CPAMD8: variants seen among roughly 807,000 people sequenced by gnomAD.
CPAMD8 encodes C3 and PZP like alpha-2-macroglobulin domain containing 8.
Under a neutral mutation model 224.7 loss-of-function variants are expected in CPAMD8, and 146 were observed. The observed-to-expected ratio is 0.65, with a 90% CI of 0.57 to 0.75. The LOEUF is 0.75. CPAMD8 is among the 30% of genes least tolerant of loss of function. The pLI is 0.00. For missense variants in CPAMD8, 2,301 were observed against 2,537.5 expected, an observed-to-expected ratio of 0.91 and a Z score of 2.00; for synonymous variants, 966 against 1,044.6, an observed-to-expected ratio of 0.92 and a Z score of 1.45.
intron 12 of CPAMD8, among the ~76,000 whole-genome samples, chr19:16,991,851 T>A (rs139612996): frequency 3.5e-4 from 39 of 112,306 alleles, no homozygotes; most frequent in African/African-American, 1.3e-3. Flanking sequence ...CAAGACTCTG[T>A]ATCAAAAAAA....
At chr19:16,902,550 G>A in intron 35 of CPAMD8, 99 bp downstream of exon 35, 1 of 704,764 alleles carries the variant, frequency 1.4e-6, no homozygotes, top group Non-Finnish European at 2.5e-6. Flanking sequence ...CCACCACTGA[G>A]TGCCTGGAGC....
chr19:16,905,582 A>G lies in CPAMD8; in HGVS notation c.4028-1030T>C, dbSNP rs1224831811. On this transcript the variant is annotated intron_variant, in intron 30 of 41. Coordinates refer to ENST00000443236, the MANE Select transcript of CPAMD8 (RefSeq NM_015692.5). ...AAAGGAAGAAAAGAAAAAAAAAAAA[A>G]AAAAGAAAAAGGCTCCAAGGATTCT... 6.0e-5 allele frequency among the ~76,000 whole-genome samples: 9 copies of G among 150,696 alleles called. No individual in the cohort carries two copies. Among genetic ancestry groups the G allele is most frequent in the East Asian group, 1.9e-4 (1 of 5,184 alleles).
rs756903738 is a variant in CPAMD8 at position 16,952,040 on chromosome 19, C to T, written c.2437G>A (p.Ala813Thr). The T allele has an allele frequency of 1.1e-5, 18 of 1,582,720 alleles. No homozygotes were observed. The highest frequency in any genetic ancestry group is 5.4e-5 in the African/African-American group (4 of 74,386). The change falls in exon 20 of 42, where the codon GCT (alanine) becomes ACT (threonine). Residue 813 changes from alanine to threonine, a missense_variant. Ala to Thr is a moderately conservative substitution (Grantham distance 58, BLOSUM62 0). Transcript: ENST00000443236. ...KPFFVDFMLP[A>T]LIIRGEQVKI... ...ACCTGCTCCCCACGGATGATGAGAGCGGGGAGCATGAAGTCCACGAAGAAG... is the reference window on the plus strand; with the variant it reads ...ACCTGCTCCCCACGGATGATGAGAGTGGGGAGCATGAAGTCCACGAAGAAG...
chr19:16,975,334 A>G, intron 16 of CPAMD8, 76 bp from the exon 17 acceptor site: 1 of 1,191,714 alleles, frequency 8.4e-7, no homozygotes, highest in Non-Finnish European at 1.2e-6. Flanking sequence ...TGGGTGTGGC[A>G]TGCTCCCATC....
At chr19:17,015,373 G>A (rs941178557) in intron 3 of CPAMD8, among the ~76,000 whole-genome samples, 2 of 152,180 alleles carry the variant, frequency 1.3e-5, no homozygotes, top group African/African-American at 4.8e-5. Context: ...TGACCATCAC[G>A]GGGAACAATC....
At chr19:17,019,588 C>T (rs985783847) in intron 3 of CPAMD8, among the ~76,000 whole-genome samples, 7 of 152,012 alleles carry the variant, frequency 4.6e-5, no homozygotes, top group Admixed American at 1.3e-4. Flanking sequence ...TAGGGCCTCA[C>T]TCTGTTGCCC....
chr19:16,908,637 C>T (rs982520482), intron 29 of CPAMD8, among the ~76,000 whole-genome samples: 4 of 152,304 alleles, frequency 2.6e-5, no homozygotes, highest in African/African-American at 4.8e-5. Context: ...TCTGGTGGCC[C>T]AATAGAGGTA....
chr19:17,026,575 A>C lies in CPAMD8; in HGVS notation c.68T>G (p.Val23Gly). Residue 23 changes from valine (V) to glycine (G), a missense_variant, in exon 1 of 42, where the codon GTG becomes GGG. Physicochemically the swap from Val to Gly is moderately radical, Grantham distance 109. Transcript: ENST00000443236. Reference protein sequence around the residue: ...LLLLLSARDGVRAAQPQAPGY... With the variant: ...LLLLLSARDGGRAAQPQAPGY... ...CGGGGCCTGAGGCTGCGCGGCGCGCACGCCGTCCCGCGCCGACAGCAGCAG... is the reference window on the plus strand; with the variant it reads ...CGGGGCCTGAGGCTGCGCGGCGCGCCCGCCGTCCCGCGCCGACAGCAGCAG... 6.5e-7 allele frequency: 1 copy of C among 1,528,254 alleles called. No individual in the cohort carries two copies. The highest frequency in any genetic ancestry group is 8.7e-7 in the Non-Finnish European group (1 of 1,147,056). The allele number at this position is 1,528,254 out of a possible 1,614,324, so 94.7% of individuals were successfully genotyped here.
At chr19:16,962,068 C>A (rs1477742606) in intron 18 of CPAMD8, among the ~76,000 whole-genome samples, 3 of 152,200 alleles carry the variant, frequency 2.0e-5, no homozygotes, top group Non-Finnish European at 4.4e-5. Flanking sequence ...GTAGATAAAA[C>A]CACAAAGATG....
chr19:16,902,765 G>C lies in CPAMD8; in HGVS notation c.4569C>G (p.Pro1523=), dbSNP rs760630085. 17 of 1,593,546 alleles carry C rather than the reference G, an allele frequency of 1.1e-5. No homozygotes were observed. The highest frequency in any genetic ancestry group is 2.2e-5 in the South Asian group (2 of 89,606). ...AACCCTCAGCTGCGGAGGCAGGCAT[G>C]GGGGGCGGGCGTCCCTGGGCCTCAG... is the stretch of plus-strand genomic sequence containing the variant. The part of the protein sequence containing the change: ...QEPEAQGRPP[P]MPASAAEGSR... The change falls in exon 35 of 42, where the codon CCC becomes CCG. Residue 1523 remains proline (P), a synonymous_variant. Transcript: ENST00000443236.
At chr19:16,989,918 G>GTAA in intron 12 of CPAMD8, 147 bp from the exon 13 acceptor site, 1 of 748,392 alleles carries the variant, frequency 1.3e-6, no homozygotes, top group Non-Finnish European at 2.3e-6. Context: ...TCCTCAGGGA[G>GTAA]TAATAGCCAG....
chr19:16,920,397 G>A (rs909176609), intron 27 of CPAMD8, among the ~76,000 whole-genome samples: 2 of 151,680 alleles, frequency 1.3e-5, no homozygotes, highest in African/African-American at 4.8e-5. Flanking sequence ...GGAGAATGGC[G>A]TGAACCCAGG....
At chr19:16,940,877 G>A (rs762044839) in intron 22 of CPAMD8, among the ~76,000 whole-genome samples, 8 of 152,192 alleles carry the variant, frequency 5.3e-5, no homozygotes, top group Non-Finnish European at 8.8e-5. Flanking sequence ...GCCCCTTGTC[G>A]GGAAAGGGAT....
intron 41 of CPAMD8, chr19:16,894,277 T>G: frequency 2.5e-6 from 1 of 406,422 alleles, no homozygotes; most frequent in Non-Finnish European, 5.1e-6. Context: ...CGGGCAGATC[T>G]CTGTCATTCT....
At chr19:17,006,141 T>C (rs1274563536) in intron 7 of CPAMD8, among the ~76,000 whole-genome samples, 1 of 152,082 alleles carries the variant, frequency 6.6e-6, no homozygotes, top group African/African-American at 2.4e-5. Context: ...TTTGTATTTT[T>C]AGTAGAGACA....
At chr19:16,961,884 T>C (rs1401188075) in intron 18 of CPAMD8, among the ~76,000 whole-genome samples, 2 of 152,234 alleles carry the variant, frequency 1.3e-5, no homozygotes, top group African/African-American at 4.8e-5. Flanking sequence ...CCACTGGTGA[T>C]ACGCAGGCAG....
chr19:16,894,579 G>C, intron 41 of CPAMD8: 1 of 426,198 alleles, frequency 2.3e-6, no homozygotes, highest in South Asian at 1.7e-5. Context: ...AACTGGATGG[G>C]GGACACATGG....
At chr19:16,926,221 C>T (rs575083329) in intron 25 of CPAMD8, among the ~76,000 whole-genome samples, 9 of 152,220 alleles carry the variant, frequency 5.9e-5, no homozygotes, top group Admixed American at 1.3e-4. Context: ...TTCCGTATTC[C>T]TCTTCTTGGC....
intron 27 of CPAMD8, among the ~76,000 whole-genome samples, chr19:16,920,216 A>T (rs1383947059): frequency 6.6e-6 from 1 of 152,234 alleles, no homozygotes; most frequent in African/African-American, 2.4e-5. Context: ...GCGGTGGCTC[A>T]CGCCTGTAAT....
Sources: allele counts gnomAD v4.1 joint callset (sites outside exome capture counted in the v4.1 genomes callset), GRCh38; gene constraint gnomAD v4.1.1; transcripts MANE v1.5; gene names NCBI Gene and HGNC (gene_info 2026-07-23, HGNC 2026-07-21).